The following ADAM17 variants were observed in gnomAD, a reference collection of about 807,000 sequenced individuals.
ADAM17 encodes the protein disintegrin and metalloproteinase domain-containing protein 17.
A neutral mutation model predicts 96.7 loss-of-function variants in ADAM17; 39 were observed. That is an observed-to-expected ratio of 0.40 (90% CI 0.31 to 0.53). The LOEUF is 0.53. ADAM17 is among the 20% of genes least tolerant of loss of function. The pLI is 0.44. For synonymous variants in ADAM17, 344 were observed against 359.2 expected, an observed-to-expected ratio of 0.96 and a Z score of 0.48; for missense variants, 777 against 1,013.2, an observed-to-expected ratio of 0.77 and a Z score of 3.17.
intron 11 of ADAM17, among the ~76,000 whole-genome samples, chr2:9,507,301 T>C (rs1663466998): frequency 1.3e-5 from 2 of 152,024 alleles, no homozygotes. Flanking sequence ...GACCAGTCAG[T>C]TGACCAACCT....
intron 12 of ADAM17, 141 bp downstream of exon 12, chr2:9,505,025 G>C (rs1663299311): frequency 1.1e-6 from 1 of 941,520 alleles, no homozygotes; most frequent in African/African-American, 1.7e-5. Context: ...TTCTTGCTGT[G>C]AAGGGCAAAA....
Position 9,518,001 on chromosome 2 carries a change from A to G in ADAM17, c.1103-12T>C, listed in dbSNP as rs1298415187. 8.8e-6 allele frequency: 14 copies of G among 1,589,072 alleles called. No individual in the cohort carries two copies. The Admixed American group carries it at 2.6e-4, about 30-fold the overall frequency. On this transcript the variant is annotated splice_polypyrimidine_tract_variant and intron_variant, in intron 9 of 18. Coordinates refer to ENST00000310823, the MANE Select transcript of ADAM17 (RefSeq NM_003183.6). ...TGGGCTATAATAAGCTAAAGTCAAA[A>G]GGAAACAGAGATAAATTGCTTATTA...
intron 1 of ADAM17, among the ~76,000 whole-genome samples, chr2:9,548,497 GAAAAC>G (rs1334466889): frequency 2.7e-5 from 4 of 149,002 alleles, no homozygotes; most frequent in African/African-American, 9.8e-5. Context: ...AAAAAAAAAA[GAAAAC>G]AAAACAAGAG....
At chr2:9,514,543 ATATATATATATATAT>A (rs1663944481) in intron 10 of ADAM17, among the ~76,000 whole-genome samples, 1 of 44,610 alleles carries the variant, frequency 2.2e-5, no homozygotes, top group East Asian at 3.7e-4. Flanking sequence ...ATATATATAT[ATATATATATATATAT>A]ATATATATAT....
At chr2:9,490,923 CTA>C (rs1425295060) in intron 18 of ADAM17, among the ~76,000 whole-genome samples, 176 bp downstream of exon 18, 1 of 152,176 alleles carries the variant, frequency 6.6e-6, no homozygotes, top group Non-Finnish European at 1.5e-5. Flanking sequence ...ATCCATGCAA[CTA>C]ATCGAAGTTC....
chr2:9,521,326 A>G lies in ADAM17; in HGVS notation c.844-10T>C, dbSNP rs776599496. 5.8e-6 allele frequency: 9 copies of G among 1,546,024 alleles called. No individual in the cohort carries two copies. In the East Asian group the frequency reaches 1.8e-4, roughly 31 times the overall value. The stretch of plus-strand genomic sequence containing the variant: ...ACTTGAGAATGCGAATCTATACTTA[A>G]AGAGATCATATACTTAGAACACTTC... On this transcript the variant is annotated splice_polypyrimidine_tract_variant and intron_variant, in intron 7 of 18. Transcript: ENST00000310823.
At chr2:9,513,569 G>A (rs1232113886) in intron 10 of ADAM17, among the ~76,000 whole-genome samples, 1 of 152,066 alleles carries the variant, frequency 6.6e-6, no homozygotes, top group Non-Finnish European at 1.5e-5. Context: ...AGGACACCTA[G>A]CTGATGTCTA....
rs138394292 is a variant in ADAM17, at chr2:9,543,469, G to C, written c.98-184C>G. 1.8e-4 allele frequency among the ~76,000 whole-genome samples: 27 copies of C among 152,280 alleles called. No homozygotes were observed. The East Asian group carries it at 4.8e-3, about 27-fold the overall frequency. The stretch of plus-strand genomic sequence containing the variant: ...GCCTCTTCCAAAATCAGGATTTTTA[G>C]AAGACAAATTGGGTGACTTGAGTCT... On this transcript the variant is annotated intron_variant, in intron 1 of 18. Transcript: ENST00000310823.
In ADAM17 at chr2:9,555,522, G is replaced by T; in HGVS notation, c.84C>A (p.Pro28=). 6.3e-7 allele frequency: 1 copy of T among 1,598,218 alleles called. No homozygotes were observed. Among genetic ancestry groups the T allele is most frequent in the East Asian group, 2.3e-5 (1 of 44,120 alleles). Residue 28 remains proline, a synonymous_variant, in exon 1 of 19, where the codon CCC becomes CCA. Transcript: ENST00000310823. ...PRPPDDPGFG[P]HQRLEKLDSL... is the part of the protein sequence containing the mutation. ...CTGGGTCTTTACCGAGTCTCTGGTG[G>T]GGGCCGAAGCCCGGGTCATCCGGAG...
Position 9,517,070 on chromosome 2 carries a change from T to G in ADAM17, c.1191+831A>C, listed in dbSNP as rs193060976. Among the ~76,000 whole-genome samples the G allele has an allele frequency of 1.9e-4, 29 of 152,264 alleles. No individual in the cohort carries two copies. In the East Asian group the frequency reaches 4.8e-3, roughly 25 times the overall value. On this transcript the variant is annotated intron_variant, in intron 10 of 18. Transcript: ENST00000310823. ...ACAGAAGAGAACCATCTTAAAACCA[T>G]GAGGTGACATCCATGAGGACAAAGA... is the stretch of plus-strand genomic sequence containing the variant.
chr2:9,504,175 G>A (rs6747020), intron 12 of ADAM17, among the ~76,000 whole-genome samples: 73,305 of 151,752 alleles, frequency 0.48, 18,582 homozygotes, highest in Middle Eastern at 0.61. Flanking sequence ...GGCCAGGCAC[G>A]GTGGCTCCCC....
intron 1 of ADAM17, among the ~76,000 whole-genome samples, chr2:9,549,204 C>G (rs1313915748): frequency 1.3e-5 from 2 of 152,068 alleles, no homozygotes; most frequent in Non-Finnish European, 2.9e-5. Context: ...AACCCAGTCT[C>G]TACTAAAAAT....
intron 10 of ADAM17, among the ~76,000 whole-genome samples, chr2:9,512,939 C>T (rs1020324825): frequency 2.6e-5 from 4 of 152,140 alleles, no homozygotes; most frequent in African/African-American, 9.7e-5. Flanking sequence ...AGCTCCTGTA[C>T]TCGGGACCCT....
intron 1 of ADAM17, among the ~76,000 whole-genome samples, chr2:9,545,733 G>A (rs1460766083): frequency 1.3e-5 from 2 of 152,188 alleles, no homozygotes; most frequent in Admixed American, 6.6e-5. Context: ...ATGGTTGGAT[G>A]TTGTAACACT....
At chr2:9,498,702 C>T (rs746273727) in intron 13 of ADAM17, among the ~76,000 whole-genome samples, 2 of 152,206 alleles carry the variant, frequency 1.3e-5, no homozygotes, top group Non-Finnish European at 2.9e-5. Flanking sequence ...ATCATGTCAA[C>T]AGTCATTTAA....
Position 9,510,142 on chromosome 2 carries a change from A to G in ADAM17, c.1192-11T>C, listed in dbSNP as rs1394425461. 1 of 1,613,966 alleles carries G rather than the reference A, an allele frequency of 6.2e-7. No individual in the cohort carries two copies. Among genetic ancestry groups the G allele is most frequent in the Non-Finnish European group, 8.5e-7 (1 of 1,179,948 alleles). On this transcript the variant is annotated splice_polypyrimidine_tract_variant and intron_variant, in intron 10 of 18. Coordinates refer to ENST00000310823, the MANE Select transcript of ADAM17 (RefSeq NM_003183.6). Reference sequence around the variant, plus strand: ...AACCAGGTCAGCTTCCTTAAGGATCATGCAAAGAAAACATTATTTCTCAAT... The same window carrying G: ...AACCAGGTCAGCTTCCTTAAGGATCGTGCAAAGAAAACATTATTTCTCAAT...
At chr2:9,534,623 T>C (rs969644808) in intron 4 of ADAM17, among the ~76,000 whole-genome samples, 2 of 152,134 alleles carry the variant, frequency 1.3e-5, no homozygotes, top group South Asian at 2.1e-4. Context: ...ACGAAAAATG[T>C]GTGAAGACAA....
intron 1 of ADAM17, among the ~76,000 whole-genome samples, chr2:9,544,706 G>A (rs770427920): frequency 1.3e-5 from 2 of 152,002 alleles, no homozygotes; most frequent in Middle Eastern, 3.4e-3. Context: ...GGCACCTGTA[G>A]TCCCAGCTAC....
chr2:9,555,690 C>A lies in ADAM17; in HGVS notation c.-85G>T. 8.6e-7 allele frequency: 1 copy of A among 1,160,258 alleles called. No homozygotes were observed. The highest frequency in any genetic ancestry group is 2.7e-5 in the Admixed American group (1 of 36,498). The allele number at this position is 1,160,258 out of a possible 1,614,324, so 71.9% of individuals were successfully genotyped here. On this transcript the variant is annotated 5_prime_UTR_variant, in exon 1 of 19. Transcript: ENST00000310823. ...GAAAACTGCTCACATCGGGGGAGGA[C>A]GGGATCCGCCCGGCCTAGCCCCTCA...
Sources: allele counts gnomAD v4.1 joint callset (sites outside exome capture counted in the v4.1 genomes callset), GRCh38; gene constraint gnomAD v4.1.1; transcripts MANE v1.5; gene names NCBI Gene and HGNC (gene_info 2026-07-23, HGNC 2026-07-21).